STARD13: variants seen among roughly 807,000 people sequenced by gnomAD.
STARD13 encodes stAR-related lipid transfer protein 13.
In STARD13, 62 loss-of-function variants were observed where a neutral mutation model predicts 106.4. That is an observed-to-expected ratio of 0.58 (90% CI 0.48 to 0.72). The LOEUF is 0.72. STARD13 is among the 30% of genes least tolerant of loss of function. The probability of loss-of-function intolerance (pLI) is 0.00; values close to 1 mark genes in which losing one functional copy is unlikely to be tolerated. For missense variants in STARD13, 1,387 were observed against 1,424.0 expected (o/e 0.97, Z 0.42); for synonymous variants, 565 against 553.0 (o/e 1.02, Z -0.31).
chr13:33,118,369 G>C (rs561387099), intron 7 of STARD13, 106 bp from the exon 8 acceptor site: 35 of 895,100 alleles, frequency 3.9e-5, no homozygotes, highest in Non-Finnish European at 5.9e-5. Flanking sequence ...CTCCCAATTA[G>C]TACATGCTGA....
intron 1 of STARD13, among the ~76,000 whole-genome samples, chr13:33,244,381 C>T (rs1020372796): frequency 6.6e-6 from 1 of 152,078 alleles, no homozygotes; most frequent in African/African-American, 2.4e-5. Flanking sequence ...CACCCTCTCA[C>T]TCCTTTCACC....
intron 7 of STARD13, among the ~76,000 whole-genome samples, chr13:33,121,766 A>G (rs1216670444): frequency 2.1e-5 from 3 of 143,718 alleles, no homozygotes; most frequent in African/African-American, 7.7e-5. Context: ...CACAACCTCC[A>G]TCTCCTGGAT....
At chr13:33,229,301 C>G (rs947235290) in intron 1 of STARD13, among the ~76,000 whole-genome samples, 8 of 152,228 alleles carry the variant, frequency 5.3e-5, no homozygotes, top group African/African-American at 1.9e-4. Flanking sequence ...GGCCAGGACA[C>G]TGAGATGACA....
chr13:33,311,214 T>C (rs1374008825), intron 1 of STARD13, among the ~76,000 whole-genome samples: 1 of 151,892 alleles, frequency 6.6e-6, no homozygotes, highest in Non-Finnish European at 1.5e-5. Context: ...GGATGATCTC[T>C]TGAGCCAGAG....
At chr13:33,361,329 A>G in the STARD13 span, among the ~76,000 whole-genome samples, 4 of 33,188 alleles carry the variant, frequency 1.2e-4, no homozygotes, top group African/African-American at 1.3e-4. Flanking sequence ...TTGAAAGAAT[A>G]TAATATATAA....
the STARD13 span, among the ~76,000 whole-genome samples, chr13:33,534,672 T>C: frequency 6.6e-6 from 1 of 152,180 alleles, no homozygotes; most frequent in Non-Finnish European, 1.5e-5. Flanking sequence ...TTATAGAACA[T>C]TTCAGTGGCC....
intron 1 of STARD13, among the ~76,000 whole-genome samples, chr13:33,341,970 T>C (rs1450956160): frequency 6.6e-6 from 1 of 152,108 alleles, no homozygotes; most frequent in Non-Finnish European, 1.5e-5. Context: ...TTTGTATTTT[T>C]AGTAGATACG....
chr13:33,523,397 CAGA>C, the STARD13 span, among the ~76,000 whole-genome samples: 28 of 152,142 alleles, frequency 1.8e-4, no homozygotes, highest in Non-Finnish European at 2.9e-5. Flanking sequence ...TGTTTACTGT[CAGA>C]AGGACACATG....
At chr13:33,287,617 C>A (rs1452779479), upstream of STARD13, among the ~76,000 whole-genome samples, 1 of 147,154 alleles carries the variant, frequency 6.8e-6, no homozygotes, top group African/African-American at 2.5e-5. Context: ...GGAGAAAGGT[C>A]GAGCACCATA....
chr13:33,614,003 A>C, the STARD13 span, among the ~76,000 whole-genome samples: 1 of 152,278 alleles, frequency 6.6e-6, no homozygotes, highest in Non-Finnish European at 1.5e-5. Flanking sequence ...TTCTAAGTGC[A>C]CATGAACATA....
intron 3 of STARD13, among the ~76,000 whole-genome samples, chr13:33,143,282 C>T (rs1203202621): frequency 1.3e-5 from 2 of 152,214 alleles, no homozygotes; most frequent in Non-Finnish European, 2.9e-5. Context: ...GTTGGGATTA[C>T]AGGCATGAGC....
At chr13:33,364,019 A>C in the STARD13 span, among the ~76,000 whole-genome samples, 1 of 152,222 alleles carries the variant, frequency 6.6e-6, no homozygotes. Flanking sequence ...GAATGACAGG[A>C]AATTTCATAA....
the STARD13 span, among the ~76,000 whole-genome samples, chr13:33,627,048 T>C: frequency 6.6e-6 from 1 of 152,354 alleles, no homozygotes; most frequent in African/African-American, 2.4e-5. Flanking sequence ...CAATCATTGT[T>C]CCCTTTATCA....
At chr13:33,553,511 G>GTAT in the STARD13 span, among the ~76,000 whole-genome samples, 1 of 151,320 alleles carries the variant, frequency 6.6e-6, no homozygotes, top group Non-Finnish European at 1.5e-5. Flanking sequence ...TATGTTAATA[G>GTAT]TAATTTTGTA....
chr13:33,211,340 G>T (rs1887703490), intron 1 of STARD13, among the ~76,000 whole-genome samples: 1 of 151,828 alleles, frequency 6.6e-6, no homozygotes, highest in Non-Finnish European at 1.5e-5. Flanking sequence ...AAAAGTAAAA[G>T]CCTGTTTTTA....
chr13:33,426,400 C>T, the STARD13 span, among the ~76,000 whole-genome samples: 1 of 152,106 alleles, frequency 6.6e-6, no homozygotes, highest in Non-Finnish European at 1.5e-5. Context: ...TTTTATTCTG[C>T]CTTCTATCAC....
chr13:33,314,064 C>T (rs893826871), intron 1 of STARD13, among the ~76,000 whole-genome samples: 2 of 152,154 alleles, frequency 1.3e-5, no homozygotes, highest in African/African-American at 2.4e-5. Context: ...AGTAAGTCAA[C>T]CCTGCCATCA....
At chr13:33,621,219 G>A in the STARD13 span, among the ~76,000 whole-genome samples, 1 of 150,684 alleles carries the variant, frequency 6.6e-6, no homozygotes, top group Non-Finnish European at 1.5e-5. Flanking sequence ...CACTTAGCAA[G>A]AAAAAGTGAA....
At chr13:33,499,529 T>TTCC in the STARD13 span, among the ~76,000 whole-genome samples, 4 of 51,514 alleles carry the variant, frequency 7.8e-5, no homozygotes, top group Non-Finnish European at 1.1e-4. Context: ...TTTCTTCTTC[T>TTCC]TCTTCTTCTT....
Sources: allele counts gnomAD v4.1 joint callset (sites outside exome capture counted in the v4.1 genomes callset), GRCh38; gene constraint gnomAD v4.1.1; transcripts MANE v1.5; gene names NCBI Gene and HGNC (gene_info 2026-07-23, HGNC 2026-07-21).